The following NELL1 variants were observed in gnomAD, a reference collection of about 807,000 sequenced individuals.
NELL1 encodes protein kinase C-binding protein NELL1.
Under a neutral mutation model 107.4 loss-of-function variants are expected in NELL1, and 76 were observed. The ratio of observed to expected loss-of-function variants is 0.71; its 90% CI spans 0.59 to 0.86. The LOEUF (loss-of-function observed/expected upper bound fraction) is 0.86. Among genes scored for constraint, NELL1 ranks in the 40% least tolerant of loss-of-function variants. The pLI, the probability that NELL1 is intolerant of heterozygous loss-of-function variation, is 0.00. For missense variants in NELL1, 1,024 were observed against 1,005.5 expected, an observed-to-expected ratio of 1.02 and a Z score of -0.25; for synonymous variants, 353 against 341.2, an observed-to-expected ratio of 1.03 and a Z score of -0.38.
intron 15 of NELL1, among the ~76,000 whole-genome samples, chr11:21,412,685 C>G (rs1014587390): frequency 2.0e-5 from 3 of 152,060 alleles, no homozygotes; most frequent in African/African-American, 7.2e-5. Flanking sequence ...AGTTTACCTC[C>G]TTTGAAGTTT....
chr11:20,932,322 A>G (rs551213203), intron 9 of NELL1, among the ~76,000 whole-genome samples: 45 of 152,222 alleles, frequency 3.0e-4, no homozygotes, highest in African/African-American at 9.9e-4. Context: ...GAAGATGGAG[A>G]AAAAAATATT....
chr11:20,834,257 C>T (rs1431833129), intron 3 of NELL1, among the ~76,000 whole-genome samples: 3 of 152,108 alleles, frequency 2.0e-5, no homozygotes, highest in African/African-American at 4.8e-5. Flanking sequence ...ATGGTGTGCA[C>T]ATCAGGTGCT....
chr11:20,997,176 C>A lies in NELL1; in HGVS notation c.1300+36616C>A, dbSNP rs577384838. The stretch of plus-strand genomic sequence containing the variant: ...AATGTATGACTATAACCAAATGGTA[C>A]AATAATATTTGTTGGTTTCCAATTC... On this transcript the variant is annotated intron_variant, in intron 12 of 19. Transcript: ENST00000357134. Among the ~76,000 whole-genome samples, 5 of 152,222 alleles carry A rather than the reference C, an allele frequency of 3.3e-5. No homozygotes were observed. In the South Asian group the frequency reaches 1.0e-3, roughly 32 times the overall value.
intron 2 of NELL1, among the ~76,000 whole-genome samples, chr11:20,739,225 C>T (rs1427193624): frequency 5.3e-5 from 8 of 152,160 alleles, no homozygotes; most frequent in South Asian, 2.1e-4. Context: ...CTGCTAAAAT[C>T]GTGGTGGTTT....
At chr11:20,721,231 T>A (rs1442631501) in intron 2 of NELL1, among the ~76,000 whole-genome samples, 1 of 54,890 alleles carries the variant, frequency 1.8e-5, no homozygotes, top group African/African-American at 4.6e-5. Flanking sequence ...ATATATATTT[T>A]GTTTATATAT....
At chr11:21,133,094 A>G (rs1855662075) in intron 13 of NELL1, among the ~76,000 whole-genome samples, 1 of 152,092 alleles carries the variant, frequency 6.6e-6, no homozygotes, top group Admixed American at 6.5e-5. Context: ...ACCTTTCCAC[A>G]GTCAGGTCAT....
chr11:21,013,558 G>A (rs1053102895), intron 12 of NELL1, among the ~76,000 whole-genome samples: 2 of 152,126 alleles, frequency 1.3e-5, no homozygotes, highest in Non-Finnish European at 2.9e-5. Flanking sequence ...TACGTTATCT[G>A]CTAAGGATGT....
At chr11:21,466,543 G>A (rs1233885111) in intron 15 of NELL1, among the ~76,000 whole-genome samples, 1 of 152,146 alleles carries the variant, frequency 6.6e-6, no homozygotes. Flanking sequence ...GATGAGCAAT[G>A]AATCCTACTC....
intron 12 of NELL1, among the ~76,000 whole-genome samples, chr11:21,010,716 G>A (rs1852428062): frequency 6.6e-6 from 1 of 152,124 alleles, no homozygotes; most frequent in African/African-American, 2.4e-5. Flanking sequence ...CTTTTGAAAA[G>A]TGAGGTGCCG....
At chr11:21,363,185 A>G (rs1851124436) in intron 14 of NELL1, among the ~76,000 whole-genome samples, 1 of 152,126 alleles carries the variant, frequency 6.6e-6, no homozygotes, top group Non-Finnish European at 1.5e-5. Context: ...ACCCTTTCCC[A>G]ATTCCACTGG....
In NELL1 at chr11:21,551,292, G is replaced by C. The variant is rs1043933947; in HGVS notation, c.1787-8897G>C. ...TACAATCATGTCATCTGCAAACAGG[G>C]ACAATTTGACTTCCTCTTTTCCTAA... On this transcript the variant is annotated intron_variant, in intron 16 of 19. Transcript: ENST00000357134. Among the ~76,000 whole-genome samples the C allele has an allele frequency of 3.9e-5, 6 of 152,102 alleles. No homozygotes were observed. The South Asian group carries it at 1.2e-3, about 32-fold the overall frequency.
At chr11:20,860,565 C>T (rs1848960696) in intron 4 of NELL1, among the ~76,000 whole-genome samples, 1 of 152,152 alleles carries the variant, frequency 6.6e-6, no homozygotes, top group African/African-American at 2.4e-5. Flanking sequence ...AAATGAGGGC[C>T]TGCATGTGGA....
chr11:21,039,496 C>G (rs1853176282), intron 12 of NELL1, among the ~76,000 whole-genome samples: 1 of 152,006 alleles, frequency 6.6e-6, no homozygotes. Context: ...AGGAATTTTT[C>G]TTTTTAAAGT....
chr11:21,469,480 A>G (rs1254788277), intron 15 of NELL1, among the ~76,000 whole-genome samples: 5 of 152,044 alleles, frequency 3.3e-5, no homozygotes, highest in African/African-American at 4.8e-5. Flanking sequence ...GGGAAGTCAG[A>G]GAGATTTTTA....
intron 12 of NELL1, among the ~76,000 whole-genome samples, chr11:20,971,572 T>C (rs1851502044): frequency 1.3e-5 from 2 of 152,184 alleles, no homozygotes; most frequent in Admixed American, 6.5e-5. Flanking sequence ...GGTATGTTAC[T>C]GCCTGCCGTG....
intron 15 of NELL1, among the ~76,000 whole-genome samples, chr11:21,470,059 C>G (rs1854134546): frequency 6.6e-6 from 1 of 151,982 alleles, no homozygotes; most frequent in Non-Finnish European, 1.5e-5. Flanking sequence ...AACAATTACT[C>G]TATGCCAGGT....
At position 20,921,193 on chromosome 11, in the gene NELL1, G is replaced by A. The variant is rs117490210; in HGVS notation, c.759+1859G>A. ...CTATAAGAACCATTCTTAGCTTATA[G>A]GACATACAAAAGTAAGTAGAGGGCC... On this transcript the variant is annotated intron_variant, in intron 7 of 19. Coordinates refer to ENST00000357134, the MANE Select transcript of NELL1 (RefSeq NM_006157.5). 6.3e-3 allele frequency among the ~76,000 whole-genome samples: 965 copies of A among 152,184 alleles called. 4 individuals are homozygous for A. Among genetic ancestry groups the A allele is most frequent in the Middle Eastern group, 0.031 (9 of 294 alleles).
intron 14 of NELL1, among the ~76,000 whole-genome samples, chr11:21,367,592 A>G (rs766879501): frequency 6.6e-6 from 1 of 152,146 alleles, no homozygotes; most frequent in Non-Finnish European, 1.5e-5. Context: ...CTGGAAAAGC[A>G]GAGTCCTGGT....
intron 14 of NELL1, among the ~76,000 whole-genome samples, chr11:21,241,740 C>T (rs1310652050): frequency 6.6e-6 from 1 of 151,948 alleles, no homozygotes; most frequent in South Asian, 2.1e-4. Flanking sequence ...ATTTCTACCC[C>T]AAACAGAATT....
Sources: gnomAD v4.1 joint callset for allele counts (sites outside exome capture counted in the v4.1 genomes callset) on GRCh38, gnomAD v4.1.1 for gene constraint, MANE v1.5 for transcripts, NCBI Gene and HGNC (gene_info 2026-07-23, HGNC 2026-07-21) for gene names.